Variants in DMD observed in about 807,000 individuals in gnomAD.
DMD encodes mutant dystrophin.
A neutral mutation model predicts 330.1 loss-of-function variants in DMD; 63 were observed. The ratio of observed to expected loss-of-function variants is 0.19; its 90% confidence interval spans 0.16 to 0.24. DMD has a LOEUF of 0.24. Among genes scored for constraint, DMD ranks in the 10% least tolerant of loss-of-function variants. The pLI, the probability that DMD is intolerant of heterozygous loss-of-function variation, is 1.00. For missense variants in DMD, 3,344 were observed against 2,684.1 expected (o/e 1.25, Z -5.43); for synonymous variants, 1,223 against 959.8 (o/e 1.27, Z -5.07).
At chrX:31,713,909 T>A (rs2148925264) in intron 52 of DMD, among the ~76,000 whole-genome samples, 1 of 111,946 alleles carries the variant, frequency 8.9e-6, no homozygotes, top group Non-Finnish European at 1.9e-5. Context: ...TAATGCAAAT[T>A]ATTAAGTATA....
chrX:32,892,446 C>T (rs1249810214), intron 2 of DMD, among the ~76,000 whole-genome samples: 1 of 111,890 alleles, frequency 8.9e-6, no homozygotes. Context: ...CAGGCTGGAG[C>T]GCAACGGTGC....
At chrX:31,440,004 C>T (rs887218653) in intron 60 of DMD, among the ~76,000 whole-genome samples, 1 of 111,365 alleles carries the variant, frequency 9.0e-6, no homozygotes, top group African/African-American at 3.3e-5. Flanking sequence ...AAGGGGTACA[C>T]TGAACTGGGT....
intron 12 of DMD, among the ~76,000 whole-genome samples, chrX:32,613,930 T>C (rs12015004): frequency 0.01 from 1,161 of 110,910 alleles, 17 homozygotes; most frequent in African/African-American, 0.037. Context: ...GATCAAGATG[T>C]TAGCATCTGG....
chrX:31,660,717 T>C lies in DMD; in HGVS notation c.7873-2573A>G, dbSNP rs993464740. Among the ~76,000 whole-genome samples the C allele has an allele frequency of 5.4e-5, 6 of 111,573 alleles. 1 individual carries two copies. In the South Asian group the frequency reaches 2.2e-3, roughly 42 times the overall value. On this transcript the variant is annotated intron_variant, in intron 53 of 78. Coordinates refer to ENST00000357033, the MANE Select transcript of DMD (RefSeq NM_004006.3). ...ATAAAAACAAAATTTTTAGTAAATA[T>C]ATAATTAAAATCATTTATTTTACTC...
intron 1 of DMD, among the ~76,000 whole-genome samples, chrX:33,177,142 G>C (rs1050058617): frequency 6.3e-5 from 7 of 111,119 alleles, no homozygotes; most frequent in African/African-American, 2.3e-4. Context: ...ACTTTCAGTC[G>C]TTGGTTGCAA....
At chrX:32,641,340 T>C (rs2059435207) in intron 11 of DMD, 1 of 117,342 alleles carries the variant, frequency 8.5e-6, no homozygotes. Context: ...TCCAGTGCCA[T>C]TAATTGTTTT....
intron 1 of DMD, among the ~76,000 whole-genome samples, chrX:33,134,206 G>A (rs1047122984): frequency 1.8e-5 from 2 of 111,493 alleles, no homozygotes; most frequent in South Asian, 7.5e-4. Flanking sequence ...ACTCCCCTCC[G>A]TTAGCTTTAA....
chrX:33,171,197 ACT>A (rs760538296), intron 1 of DMD, among the ~76,000 whole-genome samples: 36 of 89,371 alleles, frequency 4.0e-4, no homozygotes, highest in African/African-American at 1.2e-3. Context: ...ACTCCTTTAA[ACT>A]CTCTCTCTCT....
chrX:31,983,608 G>GT (rs1232363646), intron 44 of DMD, among the ~76,000 whole-genome samples: 1 of 111,600 alleles, frequency 9.0e-6, no homozygotes, highest in African/African-American at 3.3e-5. Flanking sequence ...GGAACAACAA[G>GT]TTAAGTATCT....
Position 32,726,376 on chromosome X carries a change from G to T in DMD, c.650-27083C>A, listed in dbSNP as rs185299986. Among the ~76,000 whole-genome samples, 145 of 111,421 alleles carry T rather than the reference G, an allele frequency of 1.3e-3. 1 individual carries two copies. Among genetic ancestry groups the T allele is most frequent in the African/African-American group, 4.5e-3 (139 of 30,772 alleles). On this transcript the variant is annotated intron_variant, in intron 7 of 78. Coordinates refer to ENST00000357033, the MANE Select transcript of DMD (RefSeq NM_004006.3). ...CAGCACACCCTATCCAAAAAGTGAT[G>T]GCAAATGGCCTTGTGTCAGTTTAAA...
At chrX:33,314,850 C>T (rs749235820) in intron 1 of DMD, among the ~76,000 whole-genome samples, 6 of 110,120 alleles carry the variant, frequency 5.4e-5, no homozygotes, top group Non-Finnish European at 1.1e-4. Context: ...CGGAGTTTCA[C>T]TCTTGTTGCC....
intron 1 of DMD, among the ~76,000 whole-genome samples, chrX:33,155,012 T>A (rs757135828): frequency 8.9e-6 from 1 of 112,438 alleles, no homozygotes; most frequent in Non-Finnish European, 1.9e-5. Flanking sequence ...ACATATCATC[T>A]TTCTTATTCC....
At chrX:31,858,239 T>C (rs1189236111) in intron 48 of DMD, among the ~76,000 whole-genome samples, 1 of 111,814 alleles carries the variant, frequency 8.9e-6, no homozygotes, top group Non-Finnish European at 1.9e-5. Context: ...CATATTGCTA[T>C]GGCATTTCTA....
intron 62 of DMD, among the ~76,000 whole-genome samples, chrX:31,284,596 CTTCT>C (rs1569516821): frequency 2.4e-5 from 2 of 81,911 alleles, no homozygotes; most frequent in African/African-American, 9.4e-5. Flanking sequence ...TCTTCTTCTT[CTTCT>C]TCTTCTTTTT....
intron 50 of DMD, among the ~76,000 whole-genome samples, chrX:31,811,432 G>A (rs1007752154): frequency 8.9e-6 from 1 of 112,004 alleles, no homozygotes; most frequent in African/African-American, 3.2e-5. Context: ...CCTTTCTACA[G>A]TGTGACACAT....
At chrX:32,393,869 T>A (rs1428825029) in intron 30 of DMD, among the ~76,000 whole-genome samples, 1 of 110,811 alleles carries the variant, frequency 9.0e-6, no homozygotes, top group Non-Finnish European at 1.9e-5. Flanking sequence ...TGAGATAGGT[T>A]CAATGGGATC....
intron 44 of DMD, among the ~76,000 whole-genome samples, chrX:32,187,114 C>T (rs1180914249): frequency 2.7e-5 from 3 of 110,941 alleles, no homozygotes; most frequent in East Asian, 2.8e-4. Context: ...TTTCATAAAA[C>T]GATGTTACAA....
chrX:31,680,944 T>G (rs1394638883), intron 52 of DMD, among the ~76,000 whole-genome samples: 3 of 111,866 alleles, frequency 2.7e-5, no homozygotes, highest in Non-Finnish European at 5.6e-5. Context: ...GCATGAAACC[T>G]GATAGACATT....
At chrX:32,451,103 G>A (rs1603633742) in intron 26 of DMD, among the ~76,000 whole-genome samples, 3 of 110,617 alleles carry the variant, frequency 2.7e-5, no homozygotes, top group Admixed American at 1.9e-4. Flanking sequence ...TTTCACACCC[G>A]TGCTTCTTAA....
Sources: gnomAD v4.1 joint callset for allele counts (sites outside exome capture counted in the v4.1 genomes callset) on GRCh38, gnomAD v4.1.1 for gene constraint, MANE v1.5 for transcripts, NCBI Gene and HGNC (gene_info 2026-07-23, HGNC 2026-07-21) for gene names.